Variants in LRP1B observed in about 807,000 individuals in gnomAD.
The protein encoded by LRP1B is LDL receptor related protein 1B.
LRP1B carries 217 observed loss-of-function variants against 556.6 expected under a neutral mutation model. That is an observed-to-expected ratio of 0.39 (90% confidence interval 0.35 to 0.44). The LOEUF (loss-of-function observed/expected upper bound fraction) is 0.44, where lower values mean the gene tolerates loss of function less well. LRP1B is among the 20% of genes least tolerant of loss of function. The pLI is 1.00. For synonymous variants in LRP1B, 2,047 were observed against 1,865.8 expected (o/e 1.10, Z -2.50); for missense variants, 5,053 against 5,620.8 (o/e 0.90, Z 3.23).
intron 2 of LRP1B, among the ~76,000 whole-genome samples, chr2:141,548,736 G>A (rs546343390): frequency 7.9e-5 from 12 of 152,122 alleles, no homozygotes; most frequent in African/African-American, 2.2e-4. Context: ...TTATTAGATG[G>A]GTGTATGTAT....
intron 1 of LRP1B, among the ~76,000 whole-genome samples, chr2:142,123,000 A>T (rs1707511993): frequency 6.6e-6 from 1 of 152,070 alleles, no homozygotes; most frequent in Non-Finnish European, 1.5e-5. Flanking sequence ...TCTGAGCAGT[A>T]GTGGACAGAA....
chr2:140,867,936 A>C, intron 26 of LRP1B, 102 bp from the exon 27 acceptor site: 6 of 1,349,704 alleles, frequency 4.4e-6, no homozygotes, highest in Non-Finnish European at 5.9e-6. Context: ...GTATTTTATA[A>C]ATATTTTTAT....
rs1448244949 is a variant in LRP1B, at chr2:141,479,624, TTCTTTCCCAGC to T, written c.343+761_343+771del. Among the ~76,000 whole-genome samples the T allele has an allele frequency of 5.9e-5, 9 of 152,278 alleles. No individual in the cohort carries two copies. The East Asian group carries it at 7.7e-4, about 13-fold the overall frequency. ...AGTTAAAGACTTCCAGTACAGTTGT[TTCTTTCCCAGC>T]TCCATCCTGCAGCCTGATTCACTTG... On this transcript the variant is annotated intron_variant, in intron 3 of 90. Coordinates refer to ENST00000389484, the MANE Select transcript of LRP1B (RefSeq NM_018557.3).
At chr2:141,998,649 T>C (rs1369762954) in intron 1 of LRP1B, among the ~76,000 whole-genome samples, 2 of 152,174 alleles carry the variant, frequency 1.3e-5, no homozygotes, top group African/African-American at 4.8e-5. Flanking sequence ...GGTCAGGCTA[T>C]AGGTTGGTTT....
chr2:142,091,299 A>G (rs550167915), intron 1 of LRP1B, among the ~76,000 whole-genome samples: 1 of 152,150 alleles, frequency 6.6e-6, no homozygotes, highest in South Asian at 2.1e-4. Context: ...ATTGGAAAAT[A>G]CTCCATCATC....
intron 41 of LRP1B, among the ~76,000 whole-genome samples, chr2:140,638,758 T>C (rs976118483): frequency 4.0e-5 from 6 of 151,870 alleles, no homozygotes; most frequent in African/African-American, 1.2e-4. Context: ...TATATAAGTA[T>C]ATACACACAC....
At chr2:140,717,940 C>T (rs536441912) in intron 35 of LRP1B, among the ~76,000 whole-genome samples, 2 of 152,016 alleles carry the variant, frequency 1.3e-5, no homozygotes, top group African/African-American at 2.4e-5. Flanking sequence ...GATACCCTAT[C>T]CAAATATATG....
intron 6 of LRP1B, among the ~76,000 whole-genome samples, chr2:141,205,024 G>A (rs940394411): frequency 6.6e-6 from 1 of 152,064 alleles, no homozygotes; most frequent in Non-Finnish European, 1.5e-5. Context: ...CCTATCTTAG[G>A]TATAATCTTA....
chr2:140,643,929 G>A (rs1017776936), intron 41 of LRP1B, among the ~76,000 whole-genome samples: 2 of 152,136 alleles, frequency 1.3e-5, no homozygotes, highest in African/African-American at 2.4e-5. Flanking sequence ...GGGGGTGGAC[G>A]ATATATGTCC....
At chr2:141,048,642 A>C (rs1005480343) in intron 11 of LRP1B, among the ~76,000 whole-genome samples, 1 of 152,090 alleles carries the variant, frequency 6.6e-6, no homozygotes, top group Admixed American at 6.6e-5. Flanking sequence ...AACTATTACA[A>C]GTCTCTGAAA....
intron 2 of LRP1B, among the ~76,000 whole-genome samples, chr2:141,519,725 G>A (rs186731742): frequency 6.6e-6 from 1 of 152,114 alleles, no homozygotes; most frequent in East Asian, 1.9e-4. Context: ...ATGTAGACCT[G>A]TACTCAATGT....
intron 1 of LRP1B, among the ~76,000 whole-genome samples, chr2:142,112,188 C>T (rs774770011): frequency 5.9e-5 from 9 of 151,706 alleles, no homozygotes; most frequent in South Asian, 2.1e-4. Context: ...CTAGTCTAGG[C>T]GATAGATCTA....
intron 52 of LRP1B, among the ~76,000 whole-genome samples, chr2:140,509,495 G>A (rs1424879656): frequency 1.3e-5 from 2 of 152,070 alleles, no homozygotes; most frequent in African/African-American, 4.8e-5. Context: ...GGACTAATAG[G>A]TGTTTACTGA....
chr2:140,937,248 T>C (rs1341515576), intron 20 of LRP1B, among the ~76,000 whole-genome samples: 2 of 152,098 alleles, frequency 1.3e-5, no homozygotes, highest in Non-Finnish European at 2.9e-5. Flanking sequence ...AAGCCCCTCC[T>C]GATCATTCAA....
chr2:141,743,236 G>A (rs1002840454), intron 2 of LRP1B, among the ~76,000 whole-genome samples: 8 of 152,004 alleles, frequency 5.3e-5, no homozygotes, highest in African/African-American at 7.2e-5. Context: ...TTATCACACC[G>A]ATTAATTTAC....
chr2:141,787,231 C>T (rs748226927), intron 2 of LRP1B, among the ~76,000 whole-genome samples: 12 of 151,828 alleles, frequency 7.9e-5, no homozygotes, highest in Non-Finnish European at 1.6e-4. Context: ...ATAAATTCCA[C>T]TCCTAGAAGT....
intron 2 of LRP1B, among the ~76,000 whole-genome samples, chr2:141,751,861 ATTTT>A (rs955785451): frequency 1.3e-5 from 2 of 148,178 alleles, no homozygotes; most frequent in South Asian, 2.2e-4. Context: ...AGTATGACTG[ATTTT>A]TTTTTATTTT....
chr2:141,962,812 C>T (rs1219169736), intron 1 of LRP1B, among the ~76,000 whole-genome samples: 1 of 151,784 alleles, frequency 6.6e-6, no homozygotes, highest in Admixed American at 6.6e-5. Context: ...CATAGCCTTA[C>T]ACATCATCTA....
chr2:141,326,663 T>C (rs1268577348), intron 3 of LRP1B, among the ~76,000 whole-genome samples: 1 of 152,114 alleles, frequency 6.6e-6, no homozygotes, highest in South Asian at 2.1e-4. Flanking sequence ...ACTCCTCTCA[T>C]GTAGTAGATG....
Sources: gnomAD v4.1 joint callset for allele counts (sites outside exome capture counted in the v4.1 genomes callset) on GRCh38, gnomAD v4.1.1 for gene constraint, MANE v1.5 for transcripts, NCBI Gene and HGNC (gene_info 2026-07-23, HGNC 2026-07-21) for gene names.